Variants in THEMIS observed in about 807,000 individuals in gnomAD.
THEMIS encodes thymocyte selection associated, also known as protein THEMIS.
THEMIS carries 37 observed loss-of-function variants against 52.6 expected under a neutral mutation model. That is an observed-to-expected ratio of 0.70 (90% CI 0.54 to 0.93). The LOEUF is 0.93. Ranked by LOEUF, THEMIS falls within the 40% of genes least tolerant of loss-of-function variation. The pLI, the probability that THEMIS is intolerant of heterozygous loss-of-function variation, is 0.00. For synonymous variants in THEMIS, 292 were observed against 272.7 expected (o/e 1.07, Z -0.70); for missense variants, 808 against 763.1 (o/e 1.06, Z -0.69).
At chr6:127,913,212 G>GA (rs954704019) in intron 1 of THEMIS, among the ~76,000 whole-genome samples, 4 of 150,606 alleles carry the variant, frequency 2.7e-5, no homozygotes, top group Non-Finnish European at 4.4e-5. Flanking sequence ...ATACTGGATG[G>GA]AAAAAAAAAG....
chr6:127,829,115 C>T (rs777572871), intron 3 of THEMIS, among the ~76,000 whole-genome samples: 5 of 152,104 alleles, frequency 3.3e-5, no homozygotes, highest in Admixed American at 1.3e-4. Context: ...TTGACCACCT[C>T]CATACAAGAA....
chr6:127,740,268 A>G (rs1228947371), intron 4 of THEMIS, among the ~76,000 whole-genome samples: 1 of 152,108 alleles, frequency 6.6e-6, no homozygotes, highest in Non-Finnish European at 1.5e-5. Context: ...CTGGAAACTC[A>G]AACACCTTCA....
intron 3 of THEMIS, among the ~76,000 whole-genome samples, chr6:127,822,885 CT>C (rs1778387219): frequency 6.6e-6 from 1 of 152,092 alleles, no homozygotes; most frequent in African/African-American, 2.4e-5. Flanking sequence ...GCAGCATTAA[CT>C]TTTGCCTGAG....
chr6:127,752,348 G>A (rs1359066303), intron 4 of THEMIS, among the ~76,000 whole-genome samples: 10 of 143,078 alleles, frequency 7.0e-5, no homozygotes, highest in Non-Finnish European at 1.2e-4. Context: ...GTAGGAAAGA[G>A]TAATGAAACG....
At chr6:127,698,073 A>C in the THEMIS span, among the ~76,000 whole-genome samples, 7 of 152,210 alleles carry the variant, frequency 4.6e-5, no homozygotes, top group East Asian at 5.8e-4. Context: ...AATTACATAG[A>C]TTTTGTGAGA....
intron 3 of THEMIS, among the ~76,000 whole-genome samples, chr6:127,819,189 G>T (rs1400829275): frequency 6.7e-6 from 1 of 149,094 alleles, no homozygotes; most frequent in African/African-American, 2.5e-5. Flanking sequence ...TAAAGTCTTT[G>T]GTGGGTTTCT....
chr6:127,772,676 C>A (rs1401436139), intron 4 of THEMIS, among the ~76,000 whole-genome samples: 1 of 152,070 alleles, frequency 6.6e-6, no homozygotes, highest in African/African-American at 2.4e-5. Context: ...ACACACTCAA[C>A]CTATTTAGTA....
chr6:127,850,746 AG>A (rs1779393713), intron 2 of THEMIS, among the ~76,000 whole-genome samples: 1 of 151,674 alleles, frequency 6.6e-6, no homozygotes, highest in African/African-American at 2.4e-5. Context: ...GAAGGTTGGA[AG>A]GGGGTGAGGG....
intron 1 of THEMIS, among the ~76,000 whole-genome samples, chr6:127,867,596 C>T (rs192122148): frequency 6.6e-6 from 1 of 152,086 alleles, no homozygotes; most frequent in East Asian, 1.9e-4. Flanking sequence ...AACCTATTGG[C>T]CCAAACTTAA....
At chr6:127,742,781 A>G (rs924812432) in intron 4 of THEMIS, among the ~76,000 whole-genome samples, 1 of 152,082 alleles carries the variant, frequency 6.6e-6, no homozygotes, top group South Asian at 2.1e-4. Flanking sequence ...GGGAGAAATA[A>G]AAAGTTATTA....
intron 1 of THEMIS, chr6:127,868,596 G>T: frequency 2.8e-6 from 1 of 362,296 alleles, no homozygotes; most frequent in Non-Finnish European, 3.8e-6. Context: ...AGCTTTGGCT[G>T]GTGATATCTG....
At chr6:127,905,616 T>C (rs1781249453), upstream of THEMIS, among the ~76,000 whole-genome samples, 1 of 152,076 alleles carries the variant, frequency 6.6e-6, no homozygotes, top group African/African-American at 2.4e-5. Context: ...CAATAATTAA[T>C]GGCTTGTGGA....
At chr6:127,787,884 G>GATAGATAGATAGATAGAT (rs1777024057) in intron 4 of THEMIS, among the ~76,000 whole-genome samples, 1 of 132,996 alleles carries the variant, frequency 7.5e-6, no homozygotes, top group Non-Finnish European at 1.6e-5. Flanking sequence ...GATAGATATA[G>GATAGATAGATAGATAGAT]ATAGATAGAT....
intron 4 of THEMIS, among the ~76,000 whole-genome samples, chr6:127,754,498 C>T (rs1301435046): frequency 6.6e-6 from 1 of 152,140 alleles, no homozygotes; most frequent in Non-Finnish European, 1.5e-5. Flanking sequence ...CTCTCATAGT[C>T]ACAAGATTGC....
At chr6:127,889,734 T>C (rs1007149783) in intron 1 of THEMIS, among the ~76,000 whole-genome samples, 1 of 152,094 alleles carries the variant, frequency 6.6e-6, no homozygotes, top group Non-Finnish European at 1.5e-5. Flanking sequence ...GTAAGTCACA[T>C]ACTAAGATAG....
chr6:127,803,020 C>T (rs567387619), intron 4 of THEMIS, among the ~76,000 whole-genome samples: 1 of 152,252 alleles, frequency 6.6e-6, no homozygotes, highest in East Asian at 1.9e-4. Context: ...TTGTACCTTT[C>T]TTATTTTCTA....
intron 2 of THEMIS, among the ~76,000 whole-genome samples, chr6:127,853,056 A>G (rs1359223006): frequency 1.3e-5 from 2 of 151,642 alleles, no homozygotes; most frequent in African/African-American, 4.8e-5. Context: ...GATTCTAGTC[A>G]TTTTAACTTA....
At chr6:127,754,990 A>G (rs1215832420) in intron 4 of THEMIS, among the ~76,000 whole-genome samples, 1 of 151,834 alleles carries the variant, frequency 6.6e-6, no homozygotes, top group African/African-American at 2.4e-5. Flanking sequence ...AAGAATTAGC[A>G]TAAAGCTCCG....
At chr6:127,897,288 C>T (rs1780997733) in intron 1 of THEMIS, among the ~76,000 whole-genome samples, 1 of 151,314 alleles carries the variant, frequency 6.6e-6, no homozygotes. Flanking sequence ...AAACTGACTA[C>T]ACTAACACGA....
Sources: allele counts gnomAD v4.1 joint callset (sites outside exome capture counted in the v4.1 genomes callset), GRCh38; gene constraint gnomAD v4.1.1; transcripts MANE v1.5; gene names NCBI Gene and HGNC (gene_info 2026-07-23, HGNC 2026-07-21).